Variants in LAMC1 observed in about 807,000 individuals in gnomAD.
LAMC1 encodes the protein laminin subunit gamma-1.
Under a neutral mutation model 173.6 loss-of-function variants are expected in LAMC1, and 38 were observed. That is an observed-to-expected ratio of 0.22 (90% CI 0.17 to 0.29). The LOEUF is 0.29. Ranked by LOEUF, LAMC1 falls within the 10% of genes least tolerant of loss-of-function variation. LAMC1 has a pLI of 1.00. For missense variants in LAMC1, 1,824 were observed against 2,051.8 expected (o/e 0.89, Z 2.14); for synonymous variants, 746 against 749.1 (o/e 1.00, Z 0.07).
At chr1:183,112,106 T>G (rs10752899) in intron 4 of LAMC1, among the ~76,000 whole-genome samples, 78,628 of 152,042 alleles carry the variant, frequency 0.52, 21,026 homozygotes, top group South Asian at 0.65. Context: ...CTTAACTCAC[T>G]ACTGTTTCCA....
chr1:183,046,059 A>G (rs1231109018), intron 1 of LAMC1, among the ~76,000 whole-genome samples: 1 of 151,892 alleles, frequency 6.6e-6, no homozygotes, highest in Non-Finnish European at 1.5e-5. Context: ...TTTGTCTTTT[A>G]CATTTTTTCT....
intron 1 of LAMC1, among the ~76,000 whole-genome samples, chr1:183,027,846 TG>T (rs1285792444): frequency 6.6e-6 from 1 of 152,086 alleles, no homozygotes. Flanking sequence ...CTTTGCAAGG[TG>T]GGTTCTGACT....
chr1:183,117,340 G>C lies in LAMC1; in HGVS notation c.1585G>C (p.Glu529Gln). The C allele has an allele frequency of 6.2e-7, 1 of 1,611,066 alleles. No homozygotes were observed. The highest frequency in any genetic ancestry group is 1.7e-4 in the Middle Eastern group (1 of 6,050). ...FQIDEDGWRA[E>Q]QRDGSEASLE... ...TGCAGATGAGGATGGGTGGCGTGCG[G>C]AACAGAGAGATGGCTCTGAAGCATC... Residue 529 changes from glutamate (E) to glutamine (Q), a missense_variant, in exon 9 of 28, where the codon GAA (glutamate) becomes CAA (glutamine). Coordinates refer to ENST00000258341, the MANE Select transcript of LAMC1 (RefSeq NM_002293.4).
intron 26 of LAMC1, among the ~76,000 whole-genome samples, 164 bp from the exon 27 acceptor site, chr1:183,140,240 C>A (rs1319235708): frequency 8.0e-5 from 3 of 37,316 alleles, no homozygotes; most frequent in Non-Finnish European, 2.0e-4. Context: ...ATGCAGCAGC[C>A]CCACCAAAAA....
At chr1:183,128,824 A>ATTT in intron 18 of LAMC1, 74 bp downstream of exon 18, 1 of 1,116,406 alleles carries the variant, frequency 9.0e-7, no homozygotes, top group Non-Finnish European at 1.2e-6. Flanking sequence ...AAGCAAGGTT[A>ATTT]GTATAGTTTT....
chr1:183,133,471 C>T lies in LAMC1; in HGVS notation c.3770C>T (p.Ala1257Val). The T allele has an allele frequency of 6.2e-7, 1 of 1,614,038 alleles. No homozygotes were observed. The highest frequency in any genetic ancestry group is 8.5e-7 in the Non-Finnish European group (1 of 1,179,938). ...CAAGCTGCCCGAGTACATGAGGAGG[C>T]CAAAAGGGCCGGTGACAAAGCTGTG... ...EKQAARVHEEAKRAGDKAVEI... is the reference protein window; with the variant it reads ...EKQAARVHEEVKRAGDKAVEI... Residue 1257 changes from alanine to valine, a missense_variant, in exon 22 of 28, where the codon GCC (alanine) becomes GTC (valine). Transcript: ENST00000258341.
At chr1:183,047,812 A>G (rs549344352) in intron 1 of LAMC1, among the ~76,000 whole-genome samples, 6 of 152,324 alleles carry the variant, frequency 3.9e-5, no homozygotes, top group East Asian at 1.9e-4. Flanking sequence ...CATTTGTGCT[A>G]TTAAAAAACC....
intron 25 of LAMC1, 45 bp downstream of exon 25, chr1:183,136,630 CT>C (rs745933221): frequency 6.7e-6 from 10 of 1,493,724 alleles, no homozygotes; most frequent in Non-Finnish European, 9.1e-6. Flanking sequence ...ATATCTTTCT[CT>C]GGTCACTTTC....
At chr1:183,129,857 G>A (rs532413274) in intron 18 of LAMC1, among the ~76,000 whole-genome samples, 2 of 152,236 alleles carry the variant, frequency 1.3e-5, no homozygotes, top group South Asian at 2.1e-4. Context: ...TGGCAAAAGA[G>A]TCTATTTAGT....
At chr1:183,041,315 C>G (rs1241818934) in intron 1 of LAMC1, among the ~76,000 whole-genome samples, 1 of 152,160 alleles carries the variant, frequency 6.6e-6, no homozygotes, top group Non-Finnish European at 1.5e-5. Context: ...CGTGTGGGTA[C>G]TACTACATTT....
chr1:183,038,866 T>A (rs1389058580), intron 1 of LAMC1, among the ~76,000 whole-genome samples: 2 of 152,216 alleles, frequency 1.3e-5, no homozygotes, highest in Non-Finnish European at 2.9e-5. Context: ...CCGTGGACTC[T>A]GAAAAATATT....
intron 18 of LAMC1, among the ~76,000 whole-genome samples, chr1:183,129,281 C>T (rs992798341): frequency 2.6e-5 from 4 of 151,660 alleles, no homozygotes; most frequent in Admixed American, 2.6e-4. Context: ...GTAGAGATGG[C>T]GGTTCACCGT....
At position 183,127,408 on chromosome 1, in the gene LAMC1, A is replaced by T; in HGVS notation, c.3123+4A>T. ...TTACCGGCTGGTAAAGGATAAGGTA[A>T]GCTGTCAATAGTGCATTCATTCATT... On this transcript the variant is annotated splice_donor_region_variant and intron_variant, in intron 17 of 27. Transcript: ENST00000258341. 6.2e-7 allele frequency: 1 copy of T among 1,613,784 alleles called. No homozygotes were observed. Among genetic ancestry groups the T allele is most frequent in the Non-Finnish European group, 8.5e-7 (1 of 1,179,750 alleles).
At chr1:183,093,883 T>TGCAAAACTC (rs1267639551) in intron 1 of LAMC1, among the ~76,000 whole-genome samples, 1 of 152,206 alleles carries the variant, frequency 6.6e-6, no homozygotes, top group Non-Finnish European at 1.5e-5. Flanking sequence ...GCTGGATTGT[T>TGCAAAACTC]GCAAAACTCA....
At chr1:183,045,923 C>G (rs1654254982) in intron 1 of LAMC1, among the ~76,000 whole-genome samples, 1 of 151,776 alleles carries the variant, frequency 6.6e-6, no homozygotes, top group Admixed American at 6.6e-5. Context: ...TTCATATTTC[C>G]TCTCCGCAAA....
intron 1 of LAMC1, among the ~76,000 whole-genome samples, chr1:183,056,261 T>C (rs1654593577): frequency 6.6e-6 from 1 of 152,240 alleles, no homozygotes; most frequent in African/African-American, 2.4e-5. Flanking sequence ...AGTGTTTCCC[T>C]TATGGGATTG....
chr1:183,126,125 A>G lies in LAMC1; in HGVS notation c.2807A>G (p.Asp936Gly). 6.2e-7 allele frequency: 1 copy of G among 1,612,552 alleles called. No individual in the cohort carries two copies. Among genetic ancestry groups the G allele is most frequent in the Non-Finnish European group, 8.5e-7 (1 of 1,179,654 alleles). The change falls in exon 16 of 28, where the codon GAC (aspartate) becomes GGC (glycine). Residue 936 changes from aspartate to glycine, a missense_variant. By Grantham distance (94) the Asp-to-Gly change is moderately conservative. Transcript: ENST00000258341. ...TGTCCTGTGTTCATTTTCAGGTGTG[A>G]CTGCCATGCCTTGGGCTCCACCAAT... ...LQSGQGCERC[D>G]CHALGSTNGQ...
intron 27 of LAMC1, 147 bp downstream of exon 27, chr1:183,140,650 T>C (rs1657088689): frequency 2.3e-6 from 1 of 435,640 alleles, no homozygotes; most frequent in South Asian, 6.2e-5. Context: ...AATATTTCCT[T>C]TTGCTGTTGC....
intron 13 of LAMC1, among the ~76,000 whole-genome samples, chr1:183,123,299 T>C (rs1558055773): frequency 6.6e-6 from 1 of 152,204 alleles, no homozygotes; most frequent in Non-Finnish European, 1.5e-5. Flanking sequence ...ACCTCTGTTA[T>C]CTCTCACCTG....
Sources: allele counts gnomAD v4.1 joint callset (sites outside exome capture counted in the v4.1 genomes callset), GRCh38; gene constraint gnomAD v4.1.1; transcripts MANE v1.5; gene names NCBI Gene and HGNC (gene_info 2026-07-23, HGNC 2026-07-21).